The following GREB1L variants were observed in gnomAD, a reference collection of about 807,000 sequenced individuals.
The protein encoded by GREB1L is GREB1-like protein.
GREB1L carries 17 observed loss-of-function variants against 200.8 expected under a neutral mutation model. The observed-to-expected ratio is 0.08, with a 90% CI of 0.06 to 0.13. The LOEUF (loss-of-function observed/expected upper bound fraction) is 0.13, where lower values mean the gene tolerates loss of function less well. GREB1L is among the 10% of genes least tolerant of loss of function. The probability of loss-of-function intolerance (pLI) is 1.00; values close to 1 mark genes in which losing one functional copy is unlikely to be tolerated. For missense variants in GREB1L, 1,657 were observed against 2,367.7 expected, an observed-to-expected ratio of 0.70 and a Z score of 6.23; for synonymous variants, 789 against 893.0, an observed-to-expected ratio of 0.88 and a Z score of 2.08.
At chr18:21,429,281 T>TCCTCC (rs1232699082) in intron 7 of GREB1L, among the ~76,000 whole-genome samples, 9 of 107,358 alleles carry the variant, frequency 8.4e-5, no homozygotes, top group African/African-American at 1.8e-4. Context: ...TCCTCTCCTC[T>TCCTCC]CCTCCCCTCC....
chr18:21,270,797 C>G (rs2038066017), intron 1 of GREB1L, among the ~76,000 whole-genome samples: 3 of 152,174 alleles, frequency 2.0e-5, no homozygotes, highest in Admixed American at 2.0e-4. Flanking sequence ...ACTTGAAGCT[C>G]TCTGGTGACA....
At chr18:21,342,633 T>C (rs1317421796) in intron 1 of GREB1L, among the ~76,000 whole-genome samples, 1 of 152,180 alleles carries the variant, frequency 6.6e-6, no homozygotes, top group East Asian at 1.9e-4. Context: ...TTAACTAATG[T>C]GATTTGTTCT....
At chr18:21,302,598 C>A (rs1391545927) in intron 1 of GREB1L, among the ~76,000 whole-genome samples, 1 of 152,178 alleles carries the variant, frequency 6.6e-6, no homozygotes, top group Non-Finnish European at 1.5e-5. Flanking sequence ...TGGGACATAG[C>A]GGCTTCCTTA....
chr18:21,436,987 A>G (rs544523357), intron 7 of GREB1L, among the ~76,000 whole-genome samples: 38 of 152,332 alleles, frequency 2.5e-4, no homozygotes, highest in Non-Finnish European at 3.5e-4. Flanking sequence ...CTGGGATTAC[A>G]GGCATGACCC....
intron 1 of GREB1L, among the ~76,000 whole-genome samples, chr18:21,307,532 AT>A (rs916550027): frequency 2.6e-5 from 4 of 152,166 alleles, no homozygotes; most frequent in African/African-American, 9.7e-5. Flanking sequence ...TTATGGATAG[AT>A]TGATCGTGAA....
At chr18:21,256,929 C>T (rs774446531) in intron 1 of GREB1L, among the ~76,000 whole-genome samples, 3 of 138,600 alleles carry the variant, frequency 2.2e-5, no homozygotes, top group East Asian at 2.4e-4. Flanking sequence ...TGTTTGAACC[C>T]GGGAGGTGGC....
chr18:21,431,919 C>CTTTTTTTTTTT (rs773523492), intron 7 of GREB1L, among the ~76,000 whole-genome samples: 65 of 91,258 alleles, frequency 7.1e-4, no homozygotes, highest in Non-Finnish European at 9.6e-4. Context: ...CTTTTCTTTT[C>CTTTTTTTTTTT]TTTTTTTTTT....
chr18:21,344,165 G>C (rs543283150), intron 1 of GREB1L, among the ~76,000 whole-genome samples: 5 of 152,290 alleles, frequency 3.3e-5, no homozygotes, highest in African/African-American at 9.6e-5. Context: ...ACTTTGGGAG[G>C]CCAAGGCGGG....
intron 20 of GREB1L, among the ~76,000 whole-genome samples, chr18:21,496,015 A>G (rs1008956454): frequency 6.6e-6 from 1 of 152,212 alleles, no homozygotes; most frequent in Non-Finnish European, 1.5e-5. Flanking sequence ...CATTTGAGAA[A>G]TGTCAGAGAG....
Position 21,507,976 on chromosome 18 carries a change from G to A in GREB1L, c.4369-142G>A, listed in dbSNP as rs867573862. 56 of 728,758 alleles carry A rather than the reference G, an allele frequency of 7.7e-5. No homozygotes were observed. The African/African-American group carries it at 8.9e-4, about 12-fold the overall frequency. 45.1% of individuals were successfully genotyped at this position (728,758 alleles called of 1,614,324 possible). On this transcript the variant is annotated intron_variant, in intron 25 of 32. Transcript: ENST00000424526. ...TGTTTGCCTTATCAACCTTTTAGAC[G>A]TGGCTGCTCACAGCCTGCTCTGGTG...
At chr18:21,333,312 A>G (rs781485068) in intron 1 of GREB1L, among the ~76,000 whole-genome samples, 5 of 152,198 alleles carry the variant, frequency 3.3e-5, no homozygotes, top group Admixed American at 6.5e-5. Flanking sequence ...TATGTTATGT[A>G]TAATGTATTA....
chr18:21,439,572 C>G lies in GREB1L; in HGVS notation c.884C>G (p.Ser295Cys). The change falls in exon 8 of 33, where the codon TCC (serine) becomes TGC (cysteine). Residue 295 changes from serine to cysteine, a missense_variant. Around this residue, in one of 9 missense-constraint regions of GREB1L, gnomAD observed 289 missense variants for 345.1 expected, o/e 0.84. Transcript: ENST00000424526. The part of the protein sequence containing the change: ...SHGGKGSASS[S>C]TPAHTGNYSL... The stretch of plus-strand genomic sequence containing the variant: ...GGAGGGAAGGGCAGTGCATCCAGCT[C>G]CACTCCAGCCCACACAGGGAATTAC... 1 of 1,551,736 alleles carries G rather than the reference C, an allele frequency of 6.4e-7. No homozygotes were observed. Among genetic ancestry groups the G allele is most frequent in the Non-Finnish European group, 8.7e-7 (1 of 1,146,638 alleles).
chr18:21,505,880 T>C lies in GREB1L; in HGVS notation c.4299T>C (p.Tyr1433=). ...RETVSIMLTK[Y]AAYNTFHHCE... ...CTGTATCCATAATGCTGACCAAATA[T>C]GCAGCCTATAACACCTTTCACCACT... The change falls in exon 25 of 33, where the codon TAT becomes TAC. Residue 1433 remains tyrosine, a synonymous_variant. Transcript: ENST00000424526. 6.4e-7 allele frequency: 1 copy of C among 1,552,058 alleles called. No homozygotes were observed. The highest frequency in any genetic ancestry group is 1.7e-4 in the Middle Eastern group (1 of 5,998).
rs2035426744 is a variant in GREB1L, at chr18:21,470,194, A to G, written c.2183-2837A>G. Among the ~76,000 whole-genome samples, 3 of 152,094 alleles carry G rather than the reference A, an allele frequency of 2.0e-5. 1 individual carries two copies. Among genetic ancestry groups the G allele is most frequent in the African/African-American group, 7.2e-5 (3 of 41,412 alleles). Reference sequence around the variant, plus strand: ...GCCCAGCTACTCAGGACGCTGAGGCAGGAGGATAGCTTGAGCCCAGTAGCT... The same window carrying G: ...GCCCAGCTACTCAGGACGCTGAGGCGGGAGGATAGCTTGAGCCCAGTAGCT... On this transcript the variant is annotated intron_variant, in intron 15 of 32. Coordinates refer to ENST00000424526, the MANE Select transcript of GREB1L (RefSeq NM_001142966.3).
chr18:21,489,077 C>T (rs1460281350), intron 18 of GREB1L, among the ~76,000 whole-genome samples: 3 of 152,316 alleles, frequency 2.0e-5, no homozygotes, highest in Admixed American at 6.5e-5. Context: ...GTAACTGGGT[C>T]CTCTTTGCCC....
chr18:21,269,536 GCAA>G (rs2038045321), intron 1 of GREB1L, among the ~76,000 whole-genome samples: 3 of 152,048 alleles, frequency 2.0e-5, no homozygotes, highest in Non-Finnish European at 4.4e-5. Flanking sequence ...AATGCCTTAG[GCAA>G]CAAGTGCTTT....
intron 4 of GREB1L, among the ~76,000 whole-genome samples, chr18:21,390,760 C>T (rs2040767781): frequency 6.6e-6 from 1 of 152,138 alleles, no homozygotes; most frequent in African/African-American, 2.4e-5. Flanking sequence ...TGGTCTCAAT[C>T]TCTTGACCTT....
chr18:21,323,989 C>G (rs2038987700), intron 1 of GREB1L, among the ~76,000 whole-genome samples: 1 of 152,108 alleles, frequency 6.6e-6, no homozygotes, highest in Non-Finnish European at 1.5e-5. Flanking sequence ...CAGAGGCATA[C>G]AGAGTGGTAT....
chr18:21,313,109 TGTTA>T (rs917611785), intron 1 of GREB1L, among the ~76,000 whole-genome samples: 2 of 152,140 alleles, frequency 1.3e-5, no homozygotes, highest in African/African-American at 4.8e-5. Flanking sequence ...CTGTTTACTC[TGTTA>T]GTTTCTTTTG....
Sources: gnomAD v4.1 joint callset for allele counts (sites outside exome capture counted in the v4.1 genomes callset) on GRCh38, gnomAD v4.1.1 for gene constraint, gnomAD v4.1.1 regional missense constraint, MANE v1.5 for transcripts, NCBI Gene and HGNC (gene_info 2026-07-23, HGNC 2026-07-21) for gene names.